Variants in CTNNA3 observed in about 807,000 individuals in gnomAD.
The protein encoded by CTNNA3 is catenin alpha 3.
A neutral mutation model predicts 95.7 loss-of-function variants in CTNNA3; 76 were observed. That is an observed-to-expected ratio of 0.79 (90% CI 0.66 to 0.96). The LOEUF (loss-of-function observed/expected upper bound fraction) is 0.96, where lower values mean the gene tolerates loss of function less well. Ranked by LOEUF, CTNNA3 falls within the 40% of genes least tolerant of loss-of-function variation. The pLI is 0.00. For synonymous variants in CTNNA3, 431 were observed against 374.4 expected, an observed-to-expected ratio of 1.15 and a Z score of -1.74; for missense variants, 1,191 against 1,089.8, an observed-to-expected ratio of 1.09 and a Z score of -1.31.
intron 13 of CTNNA3, among the ~76,000 whole-genome samples, chr10:66,122,651 T>A (rs1490894440): frequency 6.6e-6 from 1 of 152,324 alleles, no homozygotes. Context: ...TTCATACTGC[T>A]GATAAAGACA....
At chr10:66,221,337 A>G (rs1357339149) in intron 13 of CTNNA3, among the ~76,000 whole-genome samples, 1 of 152,172 alleles carries the variant, frequency 6.6e-6, no homozygotes, top group Non-Finnish European at 1.5e-5. Flanking sequence ...GGTATTTGTG[A>G]CCTGTATCAT....
intron 1 of CTNNA3, among the ~76,000 whole-genome samples, chr10:67,727,155 TTATA>T (rs1420429848): frequency 8.2e-6 from 1 of 122,018 alleles, no homozygotes; most frequent in East Asian, 2.3e-4. Flanking sequence ...TATTATATAA[TTATA>T]TATAATATAT....
At chr10:66,250,978 C>T (rs959940564) in intron 13 of CTNNA3, among the ~76,000 whole-genome samples, 8 of 152,182 alleles carry the variant, frequency 5.3e-5, no homozygotes, top group African/African-American at 1.9e-4. Context: ...TTCTATACCT[C>T]TCATATTGCC....
intron 10 of CTNNA3, among the ~76,000 whole-genome samples, chr10:66,575,215 T>C (rs1357773425): frequency 6.6e-6 from 1 of 152,128 alleles, no homozygotes; most frequent in Non-Finnish European, 1.5e-5. Context: ...TAGAGTCTTA[T>C]GCTAGTTCTG....
At chr10:66,746,609 T>G (rs1838884948) in intron 9 of CTNNA3, among the ~76,000 whole-genome samples, 1 of 152,162 alleles carries the variant, frequency 6.6e-6, no homozygotes, top group African/African-American at 2.4e-5. Flanking sequence ...ATTGTCCCCA[T>G]TCTGCATTTG....
intron 5 of CTNNA3, among the ~76,000 whole-genome samples, chr10:67,266,816 T>A (rs1005906425): frequency 6.6e-6 from 1 of 152,158 alleles, no homozygotes; most frequent in Non-Finnish European, 1.5e-5. Context: ...TTCAAATGTA[T>A]CACCACAAGA....
chr10:67,726,175 ATATATATTATTATAATATATAATATATC>A (rs1841212847), intron 1 of CTNNA3, among the ~76,000 whole-genome samples: 1 of 109,416 alleles, frequency 9.1e-6, no homozygotes, highest in Non-Finnish European at 1.6e-5. Flanking sequence ...TTATATAATA[ATATATATTATTATAATATATAATATATC>A]ATATATTATA....
intron 1 of CTNNA3, among the ~76,000 whole-genome samples, chr10:67,663,426 C>T (rs563273689): frequency 1.5e-3 from 229 of 151,780 alleles, no homozygotes; most frequent in African/African-American, 4.6e-3. Context: ...GAGGCATGGG[C>T]AAGTGCGGTC....
intron 13 of CTNNA3, among the ~76,000 whole-genome samples, chr10:66,113,756 T>C (rs563728797): frequency 7.9e-5 from 12 of 152,334 alleles, no homozygotes; most frequent in Middle Eastern, 3.4e-3. Flanking sequence ...ACATGCTGAA[T>C]ACAATTTTAG....
chr10:66,509,690 T>A (rs1241049876), intron 11 of CTNNA3, among the ~76,000 whole-genome samples: 1 of 152,042 alleles, frequency 6.6e-6, no homozygotes, highest in Non-Finnish European at 1.5e-5. Flanking sequence ...TATATAGATG[T>A]ATTTCTGGGT....
intron 12 of CTNNA3, among the ~76,000 whole-genome samples, chr10:66,368,535 C>T (rs902577816): frequency 1.3e-5 from 2 of 151,916 alleles, no homozygotes; most frequent in South Asian, 2.1e-4. Context: ...TATATCTTTT[C>T]AGTTTACTCT....
chr10:66,365,776 C>CTCTCTT (rs1554945986), intron 12 of CTNNA3, among the ~76,000 whole-genome samples: 97 of 151,220 alleles, frequency 6.4e-4, no homozygotes, highest in Non-Finnish European at 8.3e-4. Context: ...CTCTCTCTCT[C>CTCTCTT]TCTCTCATCT....
chr10:66,092,959 GC>G (rs1365550345), intron 14 of CTNNA3, among the ~76,000 whole-genome samples: 3 of 151,700 alleles, frequency 2.0e-5, no homozygotes, highest in Admixed American at 6.6e-5. Context: ...TATATACTAA[GC>G]AATTCAGATT....
At chr10:66,964,800 A>G (rs1324058668) in intron 7 of CTNNA3, among the ~76,000 whole-genome samples, 3 of 152,334 alleles carry the variant, frequency 2.0e-5, no homozygotes, top group African/African-American at 7.2e-5. Flanking sequence ...GATGAGAGGC[A>G]GACTGCAAAC....
chr10:66,053,509 T>G (rs2080007406), intron 15 of CTNNA3, among the ~76,000 whole-genome samples: 1 of 152,024 alleles, frequency 6.6e-6, no homozygotes, highest in Admixed American at 6.6e-5. Context: ...CCAATTATAC[T>G]CTTCATTTTA....
At chr10:66,990,248 C>T (rs1850970220) in intron 7 of CTNNA3, among the ~76,000 whole-genome samples, 1 of 152,098 alleles carries the variant, frequency 6.6e-6, no homozygotes, top group South Asian at 2.1e-4. Context: ...CCATTGTCTC[C>T]CAATATCCAC....
At chr10:66,449,210 TG>T (rs954880475) in intron 11 of CTNNA3, among the ~76,000 whole-genome samples, 9 of 152,038 alleles carry the variant, frequency 5.9e-5, no homozygotes, top group African/African-American at 2.2e-4. Flanking sequence ...GTAAAGGTGC[TG>T]GGGGGACATT....
chr10:66,087,469 G>A (rs1182681849), intron 14 of CTNNA3, among the ~76,000 whole-genome samples: 1 of 152,050 alleles, frequency 6.6e-6, no homozygotes, highest in Non-Finnish European at 1.5e-5. Context: ...ACCCTACAAT[G>A]CACAGGGCAG....
At chr10:67,643,963 T>C (rs891206398) in intron 2 of CTNNA3, among the ~76,000 whole-genome samples, 2 of 152,196 alleles carry the variant, frequency 1.3e-5, no homozygotes, top group Non-Finnish European at 2.9e-5. Flanking sequence ...TTCCAAGTCT[T>C]TGCTATTGTG....
Sources: gnomAD v4.1 joint callset for allele counts (sites outside exome capture counted in the v4.1 genomes callset) on GRCh38, gnomAD v4.1.1 for gene constraint, MANE v1.5 for transcripts, NCBI Gene and HGNC (gene_info 2026-07-23, HGNC 2026-07-21) for gene names.